The following CAPRIN2 variants were observed in gnomAD, a reference collection of about 807,000 sequenced individuals.
The protein encoded by CAPRIN2 is caprin-2.
A neutral mutation model predicts 130.4 loss-of-function variants in CAPRIN2; 66 were observed. The ratio of observed to expected loss-of-function variants is 0.51; its 90% CI spans 0.42 to 0.62. CAPRIN2 has a LOEUF of 0.62. CAPRIN2 is among the 20% of genes least tolerant of loss of function. The pLI is 0.00. For synonymous variants in CAPRIN2, 471 were observed against 444.1 expected (o/e 1.06, Z -0.76); for missense variants, 1,185 against 1,246.6 (o/e 0.95, Z 0.74).
intron 2 of CAPRIN2, among the ~76,000 whole-genome samples, chr12:30,748,080 G>C (rs2071618872): frequency 6.6e-6 from 1 of 152,140 alleles, no homozygotes; most frequent in African/African-American, 2.4e-5. Flanking sequence ...GACTCTACTG[G>C]TAAAGATATT....
rs955876680 is a variant in CAPRIN2, at chr12:30,722,893, G to T, written c.2043+366C>A. 5.9e-5 allele frequency among the ~76,000 whole-genome samples: 9 copies of T among 152,116 alleles called. 1 individual carries two copies. In the East Asian group the frequency reaches 1.7e-3, roughly 29 times the overall value. On this transcript the variant is annotated intron_variant, in intron 11 of 16. Coordinates refer to ENST00000298892, the Ensembl canonical transcript of CAPRIN2. ...CACTCCAGCCTGGGCGACAGAGTGA[G>T]ACTCTGTCTCAATAAAACAACAACA...
At position 30,728,820 on chromosome 12, in the gene CAPRIN2, T is replaced by C. The variant is rs757816006; in HGVS notation, c.1610A>G (p.Gln537Arg). The C allele has an allele frequency of 4.3e-6, 7 of 1,614,090 alleles. No homozygotes were observed. In the Admixed American group the frequency reaches 5.0e-5, roughly 12 times the overall value. Residue 537 changes from glutamine to arginine, a missense_variant, in exon 8 of 17, where the codon CAG (glutamine) becomes CGG (arginine). Coordinates refer to ENST00000298892, the Ensembl canonical transcript of CAPRIN2. ...TGGAGTCTCTGGCTGTTTTGAATCC[T>C]GTTCTTCACACATGGGAGTGGTCCA...
At chr12:30,724,936 G>A (rs564006315) in intron 9 of CAPRIN2, among the ~76,000 whole-genome samples, 1 of 152,312 alleles carries the variant, frequency 6.6e-6, no homozygotes, top group African/African-American at 2.4e-5. Flanking sequence ...CGAGGCTGCA[G>A]TGAGCTTTGA....
chr12:30,728,311 T>C (rs1374674696), intron 8 of CAPRIN2: 1 of 197,350 alleles, frequency 5.1e-6, no homozygotes, highest in Non-Finnish European at 1.0e-5. Flanking sequence ...TCTCAGCACT[T>C]TGGGAGGCCG....
chr12:30,753,787 C>A (rs748496108), exon 1 of CAPRIN2: 1 of 1,578,048 alleles, frequency 6.3e-7, no homozygotes, highest in Non-Finnish European at 8.6e-7. Context: ...TAATTAGTGC[C>A]GCTAGCCAAT....
chr12:30,754,493 G>A (rs74961653), exon 1 of CAPRIN2: 1,562 of 152,740 alleles, frequency 0.01, 35 homozygotes, highest in East Asian at 0.089. Flanking sequence ...GAGCGGCCAC[G>A]GAGAGCCCTG....
intron 2 of CAPRIN2, among the ~76,000 whole-genome samples, chr12:30,742,248 T>A (rs1201338842): frequency 1.3e-5 from 2 of 152,048 alleles, no homozygotes; most frequent in Non-Finnish European, 2.9e-5. Context: ...ACCTCAATAG[T>A]GTTGGAAAAA....
chr12:30,730,529 A>C (rs191036136), intron 6 of CAPRIN2, among the ~76,000 whole-genome samples: 1 of 152,330 alleles, frequency 6.6e-6, no homozygotes, highest in Admixed American at 6.5e-5. Context: ...TTTCAGTTTA[A>C]AACTGATATC....
chr12:30,723,802 CTATT>C (rs1478541916), intron 10 of CAPRIN2, among the ~76,000 whole-genome samples: 1 of 152,150 alleles, frequency 6.6e-6, no homozygotes, highest in East Asian at 1.9e-4. Flanking sequence ...TAATTACTCT[CTATT>C]TACTCTCACT....
chr12:30,753,622 G>A, exon 1 of CAPRIN2: 1 of 1,614,128 alleles, frequency 6.2e-7, no homozygotes, highest in Non-Finnish European at 8.5e-7. Flanking sequence ...GAAGGAGGTG[G>A]GGGAAAGTTA....
intron 11 of CAPRIN2, 132 bp downstream of exon 12, chr12:30,723,127 A>C: frequency 1.5e-6 from 1 of 658,812 alleles, no homozygotes; most frequent in Non-Finnish European, 2.7e-6. Flanking sequence ...TTAATCTACA[A>C]AACTAGATAT....
At chr12:30,745,937 G>A (rs942235352) in intron 2 of CAPRIN2, among the ~76,000 whole-genome samples, 2 of 152,176 alleles carry the variant, frequency 1.3e-5, no homozygotes, top group Non-Finnish European at 2.9e-5. Context: ...GAATGAAATA[G>A]GTGATTTTCA....
At chr12:30,717,270 C>A (rs1195343971) in intron 12 of CAPRIN2, among the ~76,000 whole-genome samples, 1 of 152,176 alleles carries the variant, frequency 6.6e-6, no homozygotes, top group Admixed American at 6.5e-5. Context: ...AATCCTGATA[C>A]ACTGTATAAC....
intron 12 of CAPRIN2, 41 bp downstream of exon 14, chr12:30,719,038 G>C: frequency 6.4e-7 from 1 of 1,574,296 alleles, no homozygotes; most frequent in Non-Finnish European, 8.7e-7. Context: ...GCTTTTAACA[G>C]GAATAATGAA....
exon 8 of CAPRIN2, chr12:30,728,760 T>C (rs1430989847): frequency 1.2e-6 from 2 of 1,613,940 alleles, no homozygotes; most frequent in South Asian, 1.1e-5. Flanking sequence ...TGTTAAAGAG[T>C]GTTTTTGACT....
intron 2 of CAPRIN2, among the ~76,000 whole-genome samples, chr12:30,746,521 G>C (rs1016533189): frequency 1.7e-4 from 26 of 152,234 alleles, no homozygotes; most frequent in African/African-American, 6.0e-4. Flanking sequence ...AGTAAAAAAT[G>C]TATTTCTCTG....
intron 3 of CAPRIN2, among the ~76,000 whole-genome samples, chr12:30,736,852 T>C (rs1370913722): frequency 6.6e-6 from 1 of 152,188 alleles, no homozygotes; most frequent in Non-Finnish European, 1.5e-5. Flanking sequence ...GAGTTTCTCA[T>C]GGTATAGGGA....
At chr12:30,739,734 TAA>T (rs962483860) in intron 3 of CAPRIN2, among the ~76,000 whole-genome samples, 3 of 148,166 alleles carry the variant, frequency 2.0e-5, no homozygotes, top group African/African-American at 7.5e-5. Flanking sequence ...AAAAAAAGAA[TAA>T]GTTACTTTTG....
At position 30,710,834 on chromosome 12, in the gene CAPRIN2, T is replaced by G. The variant is rs1449289371; in HGVS notation, c.2666-364A>C. Among the ~76,000 whole-genome samples, 2 of 152,192 alleles carry G rather than the reference T, an allele frequency of 1.3e-5. No individual in the cohort carries two copies. The highest frequency in any genetic ancestry group is 4.8e-5 in the African/African-American group (2 of 41,448). On this transcript the variant is annotated intron_variant, in intron 16 of 16. Transcript: ENST00000298892. The surrounding 1 kb of genome is among the most constrained non-coding windows in gnomAD (Gnocchi z 4.8). ...AGAGGTCATTCTACAAAGCACCTAA[T>G]GTAGAAGGTCTCAAGAAAATGGAGA...
Sources: gnomAD v4.1 joint callset for allele counts (sites outside exome capture counted in the v4.1 genomes callset) on GRCh38, gnomAD v4.1.1 for gene constraint, Gnocchi (gnomAD v3.1) non-coding constraint, MANE v1.5 for transcripts, NCBI Gene and HGNC (gene_info 2026-07-23, HGNC 2026-07-21) for gene names.